The following SPMAP2L variants were observed in gnomAD, a reference collection of about 807,000 sequenced individuals.
The protein encoded by SPMAP2L is sperm microtubule associated protein 2 like.
chr4:56,600,800 CAG>C, the SPMAP2L span: 2 of 860,776 alleles, frequency 2.3e-6, no homozygotes, highest in Non-Finnish European at 3.5e-6. Context: ...AGGATGGAAG[CAG>C]AGAGACCAGT....
At chr4:56,594,816 A>C in the SPMAP2L span, 2 of 1,562,698 alleles carry the variant, frequency 1.3e-6, no homozygotes, top group Non-Finnish European at 8.8e-7. Flanking sequence ...ATCCATCAAC[A>C]TGGAGGATAG....
the SPMAP2L span, among the ~76,000 whole-genome samples, chr4:56,583,291 GA>G: frequency 2.1e-5 from 3 of 144,694 alleles, no homozygotes; most frequent in East Asian, 2.0e-4. Context: ...AAAATAAAAG[GA>G]AAAAAAAAAG....
chr4:56,593,249 G>A, the SPMAP2L span: 2 of 1,269,118 alleles, frequency 1.6e-6, no homozygotes, highest in South Asian at 1.2e-5. Context: ...ATCCCTGCTG[G>A]ATGAGGGACT....
At chr4:56,532,297 A>G in the SPMAP2L span, among the ~76,000 whole-genome samples, 4 of 152,194 alleles carry the variant, frequency 2.6e-5, no homozygotes, top group African/African-American at 9.6e-5. Context: ...TTTTCTTACA[A>G]TGGATCTATT....
the SPMAP2L span, among the ~76,000 whole-genome samples, chr4:56,617,656 C>T: frequency 6.6e-5 from 10 of 152,220 alleles, no homozygotes; most frequent in East Asian, 1.9e-4. Context: ...TTTAGTTGTC[C>T]GGACAACATA....
At chr4:56,543,784 A>G in the SPMAP2L span, among the ~76,000 whole-genome samples, 14 of 152,218 alleles carry the variant, frequency 9.2e-5, no homozygotes, top group African/African-American at 2.9e-4. Context: ...AATAATTACT[A>G]AATCTGTTTT....
chr4:56,587,387 G>C, the SPMAP2L span, among the ~76,000 whole-genome samples: 1 of 152,008 alleles, frequency 6.6e-6, no homozygotes, highest in Non-Finnish European at 1.5e-5. Flanking sequence ...TTCTTCAGTG[G>C]TGATTTGTGA....
the SPMAP2L span, among the ~76,000 whole-genome samples, chr4:56,554,347 G>T: frequency 1.3e-5 from 2 of 152,168 alleles, no homozygotes; most frequent in African/African-American, 4.8e-5. Flanking sequence ...GTCAGCATTT[G>T]GTGGTGTCAG....
chr4:56,618,273 T>C, the SPMAP2L span, among the ~76,000 whole-genome samples: 1 of 152,166 alleles, frequency 6.6e-6, no homozygotes, highest in African/African-American at 2.4e-5. Context: ...AAGACAGTTG[T>C]AAATAAGAAA....
At chr4:56,576,711 T>C in the SPMAP2L span, among the ~76,000 whole-genome samples, 1 of 152,232 alleles carries the variant, frequency 6.6e-6, no homozygotes, top group Non-Finnish European at 1.5e-5. Context: ...ATTACTTATT[T>C]ATCAATTCAT....
the SPMAP2L span, chr4:56,548,877 A>G: frequency 4.7e-6 from 6 of 1,278,904 alleles, no homozygotes; most frequent in South Asian, 7.8e-5. Context: ...AGGCCAGCCA[A>G]TCTGGATGGG....
chr4:56,540,239 C>T, the SPMAP2L span, among the ~76,000 whole-genome samples: 13 of 152,170 alleles, frequency 8.5e-5, no homozygotes, highest in African/African-American at 2.4e-4. Context: ...AGTGGAGGAC[C>T]GGCATTCAAA....
the SPMAP2L span, chr4:56,596,751 T>C: frequency 8.8e-7 from 1 of 1,131,080 alleles, no homozygotes; most frequent in Non-Finnish European, 1.2e-6. Flanking sequence ...AAGAGTGGTC[T>C]GTGGCAGGAA....
At chr4:56,595,163 A>G in the SPMAP2L span, 1 of 1,611,626 alleles carries the variant, frequency 6.2e-7, no homozygotes, top group Non-Finnish European at 8.5e-7. Context: ...GCGATATTAA[A>G]TGCCAACTAC....
chr4:56,617,165 C>A, the SPMAP2L span, among the ~76,000 whole-genome samples: 1 of 152,116 alleles, frequency 6.6e-6, no homozygotes, highest in African/African-American at 2.4e-5. Context: ...GGTGGTACAG[C>A]CTGTTGCTCC....
the SPMAP2L span, among the ~76,000 whole-genome samples, chr4:56,589,172 C>T: frequency 6.9e-3 from 1,041 of 151,584 alleles, 15 homozygotes; most frequent in African/African-American, 0.024. Context: ...TATTTTTAGT[C>T]GAGGCAGAGT....
chr4:56,575,673 T>C, the SPMAP2L span: 1 of 1,528,214 alleles, frequency 6.5e-7, no homozygotes, highest in Non-Finnish European at 8.8e-7. Context: ...CTGTAAATCC[T>C]AATCTAATTT....
chr4:56,561,519 A>G, the SPMAP2L span, among the ~76,000 whole-genome samples: 1 of 152,106 alleles, frequency 6.6e-6, no homozygotes, highest in Non-Finnish European at 1.5e-5. Context: ...AGGCATGTGC[A>G]AAGAGGGAAA....
At chr4:56,570,522 C>A in the SPMAP2L span, among the ~76,000 whole-genome samples, 2 of 152,042 alleles carry the variant, frequency 1.3e-5, no homozygotes, top group African/African-American at 2.4e-5. Context: ...CTAAACATAT[C>A]TAAACATAGA....
Sources: gnomAD v4.1 joint callset for allele counts (sites outside exome capture counted in the v4.1 genomes callset) on GRCh38, gnomAD v4.1.1 for gene constraint, MANE v1.5 for transcripts, NCBI Gene and HGNC (gene_info 2026-07-23, HGNC 2026-07-21) for gene names.